UBA3: variants seen among roughly 807,000 people sequenced by gnomAD.
UBA3 encodes NEDD8-activating enzyme E1 catalytic subunit.
A neutral mutation model predicts 73.5 loss-of-function variants in UBA3; 26 were observed. That is an observed-to-expected ratio of 0.35 (90% CI 0.26 to 0.49). The LOEUF is 0.49. Ranked by LOEUF, UBA3 falls within the 20% of genes least tolerant of loss-of-function variation. The pLI, the probability that UBA3 is intolerant of heterozygous loss-of-function variation, is 0.98. For synonymous variants in UBA3, 217 were observed against 191.2 expected, an observed-to-expected ratio of 1.13 and a Z score of -1.11; for missense variants, 495 against 555.6, an observed-to-expected ratio of 0.89 and a Z score of 1.10.
intron 14 of UBA3, 52 bp from the exon 15 acceptor site, chr3:69,056,335 C>A: frequency 7.5e-7 from 1 of 1,337,618 alleles, no homozygotes; most frequent in South Asian, 1.4e-5. Flanking sequence ...CAATATTAGT[C>A]TCTTTTATGA....
intron 6 of UBA3, among the ~76,000 whole-genome samples, chr3:69,066,148 T>C (rs2092069783): frequency 6.6e-6 from 1 of 152,176 alleles, no homozygotes; most frequent in Non-Finnish European, 1.5e-5. Flanking sequence ...GGCTCATGCT[T>C]TTACAAAAAA....
At chr3:69,066,826 C>T (rs1223786692) in intron 6 of UBA3, among the ~76,000 whole-genome samples, 2 of 152,150 alleles carry the variant, frequency 1.3e-5, no homozygotes, top group Non-Finnish European at 2.9e-5. Context: ...TATGAAATTG[C>T]TCCAGTACGA....
chr3:69,057,409 G>C (rs1413803142), intron 11 of UBA3, 100 bp from the exon 12 acceptor site: 1 of 1,062,908 alleles, frequency 9.4e-7, no homozygotes, highest in African/African-American at 1.6e-5. Flanking sequence ...TCTAAAACTT[G>C]ATTTTTCAGA....
chr3:69,068,817 C>T (rs1350860054), intron 5 of UBA3, among the ~76,000 whole-genome samples: 4 of 152,130 alleles, frequency 2.6e-5, no homozygotes, highest in African/African-American at 7.2e-5. Context: ...GTGATCTGCC[C>T]GCCTCAGCCT....
At position 69,077,850 on chromosome 3, in the gene UBA3, A is replaced by T; in HGVS notation, c.131T>A (p.Phe44Tyr). The change falls in exon 3 of 18, where the codon TTC becomes TAC. Residue 44 changes from phenylalanine (F) to tyrosine (Y), a missense_variant. Physicochemically the swap from Phe to Tyr is conservative, Grantham distance 22. Transcript: ENST00000361055. ...TGTGAAGGGTCCAGATCGCTCGAGG[A>T]ACTTCTTTACATGGTTCCAGCGACC... ...WEGRWNHVKK[F>Y]LERSGPFTHP... The T allele has an allele frequency of 1.1e-5, 17 of 1,614,176 alleles. No homozygotes were observed. Among genetic ancestry groups the T allele is most frequent in the Non-Finnish European group, 1.4e-5 (17 of 1,180,026 alleles).
chr3:69,073,636 CTT>C (rs554961674), intron 4 of UBA3, among the ~76,000 whole-genome samples: 25 of 140,710 alleles, frequency 1.8e-4, no homozygotes, highest in African/African-American at 1.8e-4. Context: ...ATATTAGTAT[CTT>C]TTTTTTTTTT....
chr3:69,070,683 C>T (rs1453616223), intron 5 of UBA3, among the ~76,000 whole-genome samples: 1 of 152,124 alleles, frequency 6.6e-6, no homozygotes, highest in East Asian at 1.9e-4. Context: ...GACAGGGTCT[C>T]GCTCTGTTGC....
intron 9 of UBA3, 80 bp from the exon 10 acceptor site, chr3:69,062,259 TAAC>T (rs1359767398): frequency 4.5e-5 from 42 of 931,178 alleles, no homozygotes; most frequent in Admixed American, 1.2e-4. Context: ...ATCTAGTTCT[TAAC>T]AATTTCATAC....
At chr3:69,056,127 G>T in intron 15 of UBA3, 56 bp downstream of exon 15, 1 of 1,555,888 alleles carries the variant, frequency 6.4e-7, no homozygotes, top group Non-Finnish European at 8.7e-7. Flanking sequence ...TTTTTTTAAG[G>T]TTTCAAAAAT....
chr3:69,077,644 G>T, intron 3 of UBA3, 154 bp downstream of exon 3: 1 of 775,408 alleles, frequency 1.3e-6, no homozygotes. Flanking sequence ...AAAATCAGTT[G>T]TGAATATTCA....
chr3:69,070,355 A>T (rs2092111143), intron 5 of UBA3, among the ~76,000 whole-genome samples: 1 of 152,236 alleles, frequency 6.6e-6, no homozygotes, highest in Admixed American at 6.5e-5. Context: ...CAGTCCCATT[A>T]AGATCTTCCA....
In UBA3 at chr3:69,061,819, G is replaced by C. The variant is rs747714431; in HGVS notation, c.905C>G (p.Thr302Ser). The C allele has an allele frequency of 1.4e-5, 22 of 1,585,072 alleles. 1 individual carries two copies. In the Middle Eastern group the frequency reaches 2.5e-3, roughly 183 times the overall value. The change falls in exon 11 of 18, where the codon ACT (threonine) becomes AGT (serine). Residue 302 changes from threonine to serine, a missense_variant. By Grantham distance (58) the Thr-to-Ser change is moderately conservative. Transcript: ENST00000361055. ...ATGACAATTTGCTGACTTACCTTGAGTGAGCCTATACGTAACACCCCTAAT... is the reference window on the plus strand; with the variant it reads ...ATGACAATTTGCTGACTTACCTTGACTGAGCCTATACGTAACACCCCTAAT... Reference protein sequence around the residue: ...YNIRGVTYRLTQGVVKRIIPA... With the variant: ...YNIRGVTYRLSQGVVKRIIPA...
intron 6 of UBA3, among the ~76,000 whole-genome samples, chr3:69,066,748 T>C (rs532175589): frequency 6.6e-6 from 1 of 152,296 alleles, no homozygotes; most frequent in East Asian, 1.9e-4. Flanking sequence ...ATATTTTATA[T>C]TTACACCTAT....
Position 69,056,071 on chromosome 3 carries a change from T to C in UBA3, c.1185-8A>G. ...GCTGGAGATTTCATTTGCCTAAAGA[T>C]TATGATGAGAGAGAAGTATCAAACA... On this transcript the variant is annotated splice_region_variant and splice_polypyrimidine_tract_variant and intron_variant, in intron 15 of 17. Coordinates refer to ENST00000361055, the MANE Select transcript of UBA3 (RefSeq NM_003968.4). The C allele has an allele frequency of 6.3e-7, 1 of 1,594,270 alleles. No individual in the cohort carries two copies. The highest frequency in any genetic ancestry group is 8.5e-7 in the Non-Finnish European group (1 of 1,174,344).
At chr3:69,060,974 G>A (rs1388287702) in intron 11 of UBA3, among the ~76,000 whole-genome samples, 1 of 152,194 alleles carries the variant, frequency 6.6e-6, no homozygotes, top group Non-Finnish European at 1.5e-5. Flanking sequence ...AGAACCATGA[G>A]CCAAATAAAC....
chr3:69,057,267 G>C lies in UBA3; in HGVS notation c.953C>G (p.Ala318Gly). ...RIIPAVASTN[A>G]VIAAVCATEV... ...CTTTTCTTCCTCACCTGCAATGACT[G>C]CATTTGTGGAAGCTACTGCAGGAAT... Residue 318 changes from alanine to glycine, a missense_variant, in exon 12 of 18, where the codon GCA becomes GGA. Transcript: ENST00000361055. The C allele has an allele frequency of 1.9e-6, 3 of 1,611,274 alleles. No homozygotes were observed. Among genetic ancestry groups the C allele is most frequent in the Non-Finnish European group, 2.5e-6 (3 of 1,179,294 alleles).
Position 69,080,324 on chromosome 3 carries a change from C to G in UBA3, c.20+10G>C, listed in dbSNP as rs558014218. 2.6e-5 allele frequency: 42 copies of G among 1,603,748 alleles called. No homozygotes were observed. The highest frequency in any genetic ancestry group is 2.1e-4 in the Middle Eastern group (1 of 4,698). ...CCAGCCCGGCGCGTCTGCAGAGCCCCGGTACTTACGGCTCCTCGCCATCCG... is the reference window on the plus strand; with the variant it reads ...CCAGCCCGGCGCGTCTGCAGAGCCCGGGTACTTACGGCTCCTCGCCATCCG... On this transcript the variant is annotated intron_variant, in intron 1 of 17. Transcript: ENST00000361055.
rs1342914960 is a variant in UBA3 at position 69,054,767 on chromosome 3, G to C, written c.*670C>G. 1 of 152,082 alleles carries C rather than the reference G, an allele frequency of 6.6e-6. No individual in the cohort carries two copies. Among genetic ancestry groups the C allele is most frequent in the African/African-American group, 2.4e-5 (1 of 41,428 alleles). The allele number at this position is 152,082 out of a possible 1,614,324, so 9.4% of individuals were successfully genotyped here. A position where few individuals can be genotyped will look rare whatever the true frequency, so the allele number is the denominator to read the frequency against. ...GATTTTATTAATAAATAGTGCAAAA[G>C]CATCAGTGATAACTGTTTGAACATT... On this transcript the variant is annotated 3_prime_UTR_variant, in exon 18 of 18. Coordinates refer to ENST00000361055, the MANE Select transcript of UBA3 (RefSeq NM_003968.4).
intron 4 of UBA3, among the ~76,000 whole-genome samples, 195 bp from the exon 5 acceptor site, chr3:69,071,812 C>T (rs573106707): frequency 1.7e-4 from 26 of 152,322 alleles, no homozygotes; most frequent in Admixed American, 1.4e-3. Flanking sequence ...TACAATCACT[C>T]AGTTTCAAAT....
Sources: gnomAD v4.1 joint callset for allele counts (sites outside exome capture counted in the v4.1 genomes callset) on GRCh38, gnomAD v4.1.1 for gene constraint, MANE v1.5 for transcripts, NCBI Gene and HGNC (gene_info 2026-07-23, HGNC 2026-07-21) for gene names.